Variants in SATB2 observed in about 807,000 individuals in gnomAD.
SATB2 encodes the protein DNA-binding protein SATB2.
Under a neutral mutation model 73.4 loss-of-function variants are expected in SATB2, and 1 was observed. The ratio of observed to expected loss-of-function variants is 0.01; its 90% CI spans 0.00 to 0.06. SATB2 has a LOEUF of 0.06. Ranked by LOEUF, SATB2 falls within the 10% of genes least tolerant of loss-of-function variation. The pLI is 1.00. For synonymous variants in SATB2, 397 were observed against 367.0 expected (o/e 1.08, Z -0.93); for missense variants, 459 against 945.8 (o/e 0.49, Z 6.75).
At chr2:199,346,425 G>A (rs1185814266) in intron 7 of SATB2, among the ~76,000 whole-genome samples, 1 of 152,056 alleles carries the variant, frequency 6.6e-6, no homozygotes, top group African/African-American at 2.4e-5. Context: ...AGGGATTATA[G>A]GCGTGAGCCA....
At chr2:199,425,177 AT>A (rs1161338725) in intron 3 of SATB2, among the ~76,000 whole-genome samples, 1 of 152,246 alleles carries the variant, frequency 6.6e-6, no homozygotes, top group Non-Finnish European at 1.5e-5. Flanking sequence ...TAGAAGTTAT[AT>A]ATTTTAATGA....
Position 199,328,908 on chromosome 2 carries a change from T to A in SATB2, c.1176A>T (p.Gly392=), listed in dbSNP as rs1374626385. Reference sequence around the variant, plus strand: ...CCTTACGCAGAATCTCAGACAACAATCCCTGATTAAATGGGGGAAAAAAAC... The same window carrying A: ...CCTTACGCAGAATCTCAGACAACAAACCCTGATTAAATGGGGGAAAAAAAC... ...FARVAFNRTQ[G]LLSEILRKEE... is the part of the protein sequence containing the mutation. The change falls in exon 8 of 11, where the codon GGA becomes GGT. Residue 392 remains glycine, a splice_region_variant and synonymous_variant. Transcript: ENST00000417098. 2 of 1,613,000 alleles carry A rather than the reference T, an allele frequency of 1.2e-6. No homozygotes were observed. Among genetic ancestry groups the A allele is most frequent in the Admixed American group, 1.7e-5 (1 of 59,980 alleles).
At chr2:199,380,784 C>A (rs550910551) in intron 4 of SATB2, among the ~76,000 whole-genome samples, 24 of 152,296 alleles carry the variant, frequency 1.6e-4, no homozygotes, top group African/African-American at 5.3e-4. Flanking sequence ...AATGGCATGG[C>A]AGTGTGGTTA....
At chr2:199,421,880 G>GA (rs1691181844) in intron 3 of SATB2, among the ~76,000 whole-genome samples, 1 of 152,142 alleles carries the variant, frequency 6.6e-6, no homozygotes. Context: ...AATGAACAAT[G>GA]AAAATAAATT....
At chr2:199,433,190 T>G (rs1383413678) in intron 3 of SATB2, 148 bp downstream of exon 3, 1 of 815,324 alleles carries the variant, frequency 1.2e-6, no homozygotes, top group Non-Finnish European at 1.9e-6. Flanking sequence ...CAAGACCTTC[T>G]ACAAGAAATA....
rs188013011 is a variant in SATB2, at chr2:199,308,789, C to A, written c.1711G>T (p.Val571Leu). The A allele has an allele frequency of 6.2e-7, 1 of 1,614,128 alleles. No individual in the cohort carries two copies. The highest frequency in any genetic ancestry group is 2.2e-5 in the East Asian group (1 of 44,876). The change falls in exon 10 of 11, where the codon GTG (valine) becomes TTG (leucine). Residue 571 changes from valine to leucine, a missense_variant. Coordinates refer to ENST00000417098, the MANE Select transcript of SATB2 (RefSeq NM_001172509.2). The surrounding 1 kb of genome is among the most constrained non-coding windows in gnomAD (Gnocchi z 4.6). ...ACCGGCTCAGGGGGAAGCTGGACCA[C>A]GTGTTGCATGCGTTCGCTGTGGTGA... ...RHHHSERMQHVVQLPPEPVQV... is the reference protein window; with the variant it reads ...RHHHSERMQHLVQLPPEPVQV...
In SATB2 at chr2:199,405,435, A is replaced by G. The variant is rs187181665; in HGVS notation, c.347-23615T>C. Among the ~76,000 whole-genome samples, 299 of 152,294 alleles carry G rather than the reference A, an allele frequency of 2.0e-3. 4 individuals are homozygous for G. The highest frequency in any genetic ancestry group is 7.0e-3 in the African/African-American group (291 of 41,570). On this transcript the variant is annotated intron_variant, in intron 3 of 10. Coordinates refer to ENST00000417098, the MANE Select transcript of SATB2 (RefSeq NM_001172509.2). ...AGGGGACCCAATTCACTAGGTTTAT[A>G]TGAGCCCAGGAATCTGCACTTAAAT...
intron 10 of SATB2, among the ~76,000 whole-genome samples, chr2:199,284,417 T>C (rs1370129885): frequency 2.0e-5 from 3 of 152,182 alleles, no homozygotes; most frequent in African/African-American, 7.2e-5. Context: ...AACTACCACT[T>C]GTAGAATGTT....
intron 3 of SATB2, among the ~76,000 whole-genome samples, chr2:199,432,728 GA>G (rs1691538691): frequency 6.6e-6 from 1 of 151,872 alleles, no homozygotes; most frequent in Non-Finnish European, 1.5e-5. Context: ...ACTTCAAAAT[GA>G]AACAACAGAA....
At chr2:199,291,156 T>C (rs1404032836) in intron 10 of SATB2, among the ~76,000 whole-genome samples, 2 of 152,166 alleles carry the variant, frequency 1.3e-5, no homozygotes, top group African/African-American at 4.8e-5. Flanking sequence ...AGAGAGACTT[T>C]GTGAAGAAAC....
chr2:199,425,105 T>C (rs936361210), intron 3 of SATB2, among the ~76,000 whole-genome samples: 1 of 152,210 alleles, frequency 6.6e-6, no homozygotes, highest in African/African-American at 2.4e-5. Flanking sequence ...AAATTAAACA[T>C]GATATATATC....
Position 199,294,698 on chromosome 2 carries a change from C to CA in SATB2, c.1740+14061dup, listed in dbSNP as rs1455167913. 4.6e-5 allele frequency among the ~76,000 whole-genome samples: 7 copies of CA among 151,938 alleles called. No homozygotes were observed. The East Asian group carries it at 5.8e-4, about 13-fold the overall frequency. On this transcript the variant is annotated intron_variant, in intron 10 of 10. Transcript: ENST00000417098. ...GAGTACAACTATTGACCTGCATTGT[C>CA]AAAAAAACATGAAATGCAAAACACT...
intron 3 of SATB2, among the ~76,000 whole-genome samples, chr2:199,429,201 C>A (rs13035409): frequency 6.6e-6 from 1 of 151,798 alleles, no homozygotes; most frequent in East Asian, 1.9e-4. Context: ...AACAGCTTAT[C>A]AAAATTGGGG....
intron 2 of SATB2, among the ~76,000 whole-genome samples, chr2:199,433,921 T>C (rs558430551): frequency 7.2e-5 from 11 of 152,236 alleles, no homozygotes; most frequent in Middle Eastern, 3.4e-3. Context: ...ATATTACTTT[T>C]ACACGTAAAA....
At chr2:199,288,871 C>T (rs369158826) in intron 10 of SATB2, among the ~76,000 whole-genome samples, 6 of 152,262 alleles carry the variant, frequency 3.9e-5, no homozygotes, top group Middle Eastern at 3.4e-3. Context: ...GAAGGGTTTT[C>T]GCCTCAAACC....
chr2:199,407,291 A>T (rs1204417285), intron 3 of SATB2, among the ~76,000 whole-genome samples: 2 of 149,756 alleles, frequency 1.3e-5, no homozygotes, highest in Non-Finnish European at 3.0e-5. Flanking sequence ...TGTCTCCCAA[A>T]AAAAAAAAAA....
At chr2:199,341,594 G>C (rs1487351159) in intron 7 of SATB2, among the ~76,000 whole-genome samples, 1 of 152,166 alleles carries the variant, frequency 6.6e-6, no homozygotes, top group African/African-American at 2.4e-5. Context: ...CTGACCCATT[G>C]AATTGCAGAG....
upstream of SATB2, among the ~76,000 whole-genome samples, chr2:199,466,192 T>C (rs1172405371): frequency 1.3e-5 from 2 of 152,174 alleles, no homozygotes; most frequent in Non-Finnish European, 1.5e-5. Context: ...TCGCGCATTC[T>C]TCCCAGAGCT....
At chr2:199,395,464 C>T (rs79601066) in intron 3 of SATB2, among the ~76,000 whole-genome samples, 4,006 of 152,174 alleles carry the variant, frequency 0.026, 204 homozygotes, top group African/African-American at 0.093. Flanking sequence ...ATTTCTTTAT[C>T]AGTTTGTGGT....
Sources: gnomAD v4.1 joint callset for allele counts (sites outside exome capture counted in the v4.1 genomes callset) on GRCh38, gnomAD v4.1.1 for gene constraint, Gnocchi (gnomAD v3.1) non-coding constraint, MANE v1.5 for transcripts, NCBI Gene and HGNC (gene_info 2026-07-23, HGNC 2026-07-21) for gene names.